Variants in AGBL1 observed in about 807,000 individuals in gnomAD.
The protein encoded by AGBL1 is AGBL carboxypeptidase 1, also known as cytosolic carboxypeptidase 4.
In AGBL1, 130 loss-of-function variants were observed where a neutral mutation model predicts 118.9. The ratio of observed to expected loss-of-function variants is 1.09; its 90% CI spans 0.95 to 1.26. AGBL1 has a LOEUF of 1.26. AGBL1 is among the 50% of genes most tolerant of loss of function. The pLI is 0.00. For synonymous variants in AGBL1, 555 were observed against 478.9 expected (o/e 1.16, Z -2.08); for missense variants, 1,584 against 1,298.1 (o/e 1.22, Z -3.38).
At chr15:86,926,744 G>A (rs1378455433) in intron 23 of AGBL1, among the ~76,000 whole-genome samples, 1 of 152,200 alleles carries the variant, frequency 6.6e-6, no homozygotes, top group African/African-American at 2.4e-5. Flanking sequence ...AGTCATTCAA[G>A]CCAGAGTCTG....
At chr15:86,117,122 C>T (rs1386158838) in intron 1 of AGBL1, among the ~76,000 whole-genome samples, 3 of 151,864 alleles carry the variant, frequency 2.0e-5, no homozygotes, top group Non-Finnish European at 2.9e-5. Context: ...TTCCTTTTTA[C>T]ATAAAGAAAT....
intron 22 of AGBL1, among the ~76,000 whole-genome samples, chr15:86,867,766 G>A (rs1426535744): frequency 6.6e-6 from 1 of 152,120 alleles, no homozygotes; most frequent in Non-Finnish European, 1.5e-5. Flanking sequence ...GAAAGCAGAG[G>A]GAAATCAATT....
chr15:86,787,848 A>G (rs1301393527), intron 22 of AGBL1, among the ~76,000 whole-genome samples: 2 of 152,176 alleles, frequency 1.3e-5, no homozygotes, highest in East Asian at 1.9e-4. Context: ...TGTTTTATCA[A>G]TACTTACATC....
chr15:86,199,969 T>A (rs372889916), intron 5 of AGBL1, among the ~76,000 whole-genome samples: 2 of 152,196 alleles, frequency 1.3e-5, no homozygotes, highest in African/African-American at 4.8e-5. Context: ...TTTGCACAAC[T>A]GTCCTGTTTG....
chr15:86,786,865 G>C (rs1178685941), intron 22 of AGBL1, among the ~76,000 whole-genome samples: 1 of 152,084 alleles, frequency 6.6e-6, no homozygotes, highest in Non-Finnish European at 1.5e-5. Context: ...CTATCTCCTT[G>C]TACCCTTGTA....
At chr15:86,644,018 A>G (rs942539357) in intron 21 of AGBL1, among the ~76,000 whole-genome samples, 12 of 152,196 alleles carry the variant, frequency 7.9e-5, no homozygotes, top group African/African-American at 2.9e-4. Context: ...TCAGTAAACA[A>G]AAAATTTTAA....
At chr15:86,631,796 C>G (rs544141497) in intron 21 of AGBL1, among the ~76,000 whole-genome samples, 1 of 152,288 alleles carries the variant, frequency 6.6e-6, no homozygotes, top group East Asian at 1.9e-4. Flanking sequence ...CTGAATGGAG[C>G]CTAGAGCCTC....
At chr15:86,185,514 C>CATCAATG in intron 5 of AGBL1, among the ~76,000 whole-genome samples, 1 of 152,234 alleles carries the variant, frequency 6.6e-6, no homozygotes, top group South Asian at 2.1e-4. Context: ...CCCAAATGTC[C>CATCAATG]ATCAATGATA....
intron 22 of AGBL1, among the ~76,000 whole-genome samples, chr15:86,829,737 T>G (rs936300189): frequency 6.6e-6 from 1 of 152,168 alleles, no homozygotes; most frequent in Non-Finnish European, 1.5e-5. Context: ...GTCACAGACC[T>G]GTAGGAATGG....
intron 18 of AGBL1, among the ~76,000 whole-genome samples, chr15:86,438,726 A>G (rs1305363997): frequency 7.0e-6 from 1 of 142,712 alleles, no homozygotes; most frequent in Non-Finnish European, 1.5e-5. Flanking sequence ...CGGTGGTGCC[A>G]TCTCAGCTTA....
At chr15:86,100,839 T>C (rs1481927883) in intron 1 of AGBL1, among the ~76,000 whole-genome samples, 1 of 152,104 alleles carries the variant, frequency 6.6e-6, no homozygotes, top group Non-Finnish European at 1.5e-5. Context: ...TGTTGACCCT[T>C]AGTATTATTT....
chr15:86,169,577 A>G (rs1049295528), intron 5 of AGBL1, among the ~76,000 whole-genome samples: 1 of 152,254 alleles, frequency 6.6e-6, no homozygotes, highest in African/African-American at 2.4e-5. Context: ...CAATAGTCGC[A>G]TATAACTTAT....
intron 17 of AGBL1, among the ~76,000 whole-genome samples, chr15:86,348,096 A>G (rs1175226256): frequency 6.6e-6 from 1 of 152,206 alleles, no homozygotes; most frequent in Non-Finnish European, 1.5e-5. Flanking sequence ...CCCAGCTGGA[A>G]TCTGATGCTT....
intron 22 of AGBL1, among the ~76,000 whole-genome samples, chr15:86,881,188 C>G (rs1216651799): frequency 6.6e-6 from 1 of 152,166 alleles, no homozygotes; most frequent in Non-Finnish European, 1.5e-5. Context: ...GTTTTTAAGA[C>G]AGAAATGCAA....
At chr15:86,156,046 C>T (rs1413232757) in intron 4 of AGBL1, among the ~76,000 whole-genome samples, 4 of 152,014 alleles carry the variant, frequency 2.6e-5, no homozygotes, top group Admixed American at 6.6e-5. Flanking sequence ...CTCAGCCTCC[C>T]GAGTAGCTGG....
At chr15:86,485,806 T>A (rs927444331) in intron 18 of AGBL1, among the ~76,000 whole-genome samples, 2 of 152,160 alleles carry the variant, frequency 1.3e-5, no homozygotes, top group African/African-American at 4.8e-5. Flanking sequence ...AAATTTATTC[T>A]TATTCTGATC....
At chr15:86,512,684 C>T (rs1057178785) in intron 18 of AGBL1, among the ~76,000 whole-genome samples, 2 of 151,638 alleles carry the variant, frequency 1.3e-5, no homozygotes, top group South Asian at 4.1e-4. Flanking sequence ...ATGTTCTTTG[C>T]CTGTCTTCAA....
At chr15:86,346,085 T>C (rs1256340762) in intron 17 of AGBL1, among the ~76,000 whole-genome samples, 5 of 151,100 alleles carry the variant, frequency 3.3e-5, no homozygotes, top group Admixed American at 1.3e-4. Flanking sequence ...TGGATTCAAA[T>C]GATTCTCCTG....
intron 23 of AGBL1, among the ~76,000 whole-genome samples, chr15:86,979,791 C>A (rs2081211550): frequency 6.6e-6 from 1 of 152,126 alleles, no homozygotes; most frequent in African/African-American, 2.4e-5. Context: ...GCGTGAGCCA[C>A]TGCGCCCGGC....
Sources: gnomAD v4.1 joint callset for allele counts (sites outside exome capture counted in the v4.1 genomes callset) on GRCh38, gnomAD v4.1.1 for gene constraint, MANE v1.5 for transcripts, NCBI Gene and HGNC (gene_info 2026-07-23, HGNC 2026-07-21) for gene names.